The following GATA5 variants were observed in gnomAD, a reference collection of about 807,000 sequenced individuals.
The protein encoded by GATA5 is transcription factor GATA-5.
A neutral mutation model predicts 35.0 loss-of-function variants in GATA5; 27 were observed. The observed-to-expected ratio is 0.77, with a 90% confidence interval of 0.57 to 1.06. The LOEUF (loss-of-function observed/expected upper bound fraction) is 1.06, where lower values mean the gene tolerates loss of function less well. GATA5 is among the 50% of genes least tolerant of loss of function. GATA5 has a pLI of 0.00. For synonymous variants in GATA5, 306 were observed against 267.8 expected (o/e 1.14, Z -1.39); for missense variants, 612 against 580.0 (o/e 1.06, Z -0.57).
chr20:62,472,190 G>A lies in GATA5; in HGVS notation c.699+1213C>T, dbSNP rs139857220. Among the ~76,000 whole-genome samples the A allele has an allele frequency of 3.2e-3, 490 of 152,222 alleles. 6 individuals carry two copies. The highest frequency in any genetic ancestry group is 0.011 in the African/African-American group (463 of 41,534). On this transcript the variant is annotated intron_variant, in intron 3 of 6. Transcript: ENST00000252997. ...ATGGACTCCTAGGAGCCTTCCCTCC[G>A]AGAGGCAGGCATGGGAGGAGGCTGG...
rs1989523972 is a variant in GATA5, at chr20:62,464,441, CT to C, written c.*394del. 6.4e-6 allele frequency: 1 copy of C among 156,636 alleles called. No homozygotes were observed. The highest frequency in any genetic ancestry group is 1.4e-5 in the Non-Finnish European group (1 of 71,204). 9.7% of individuals were successfully genotyped at this position (156,636 alleles called of 1,614,324 possible). A position where few individuals can be genotyped will look rare whatever the true frequency, so the allele number is the denominator to read the frequency against. ...CTTCACTGGGAATCTTGGTTTTACA[CT>C]GGGAGGTTGACTGTTTTCCCCCAAC... is the stretch of plus-strand genomic sequence containing the variant. On this transcript the variant is annotated 3_prime_UTR_variant, in exon 7 of 7. Coordinates refer to ENST00000252997, the MANE Select transcript of GATA5 (RefSeq NM_080473.5).
chr20:62,474,861 C>CCCCGTCTCG, intron 2 of GATA5, 138 bp downstream of exon 2: 3 of 666,380 alleles, frequency 4.5e-6, no homozygotes, highest in Non-Finnish European at 6.4e-6. Context: ...ACTCGTCTCG[C>CCCCGTCTCG]CCCGGGGCTG....
rs781867987 is a variant in GATA5, at chr20:62,464,654, C to T, written c.*182G>A. 3.3e-4 allele frequency: 165 copies of T among 501,850 alleles called. 1 individual carries two copies. The highest frequency in any genetic ancestry group is 8.5e-5 in the Non-Finnish European group (25 of 294,152). 31.1% of individuals were successfully genotyped at this position (501,850 alleles called of 1,614,324 possible). A position where few individuals can be genotyped will look rare whatever the true frequency, so the allele number is the denominator to read the frequency against. On this transcript the variant is annotated 3_prime_UTR_variant, in exon 7 of 7. Transcript: ENST00000252997. ...CCCTTCCCTCACCAGCCTTCTTGCT[C>T]TGGGGCCCGACTGCCGTCTGTCCAG... is the stretch of plus-strand genomic sequence containing the variant.
chr20:62,473,417 G>A lies in GATA5; in HGVS notation c.685C>T (p.Pro229Ser), dbSNP rs1989768860. 2 of 1,607,138 alleles carry A rather than the reference G, an allele frequency of 1.2e-6. No homozygotes were observed. Among genetic ancestry groups the A allele is most frequent in the Non-Finnish European group, 1.7e-6 (2 of 1,177,640 alleles). Residue 229 changes from proline to serine, a missense_variant, in exon 3 of 7, where the codon CCT becomes TCT. By Grantham distance (74) the Pro-to-Ser change is moderately conservative. Transcript: ENST00000252997. ...MNGVNRPLVR[P>S]QKRLSSSRRA... ...CCCGAACTCACCAGGCGCTTCTGAG[G>A]CCGAACGAGCGGCCGGTTGACGCCA...
Position 62,475,248 on chromosome 20 carries a change from CGGT to C in GATA5, c.271_273del (p.Thr91del). On this transcript the variant is annotated inframe_deletion, in exon 2 of 7. Coordinates refer to ENST00000252997, the MANE Select transcript of GATA5 (RefSeq NM_080473.5). ...GAGGGGCTGTGCGCGAAAGGGAAGG[CGGT>C]GGCCCCGGGCGGGTGCGCGGCTGGG... is the stretch of plus-strand genomic sequence containing the variant. 1.6e-6 allele frequency: 2 copies of C among 1,246,394 alleles called. No homozygotes were observed. The highest frequency in any genetic ancestry group is 2.0e-6 in the Non-Finnish European group (2 of 995,256). The allele number at this position is 1,246,394 out of a possible 1,614,324, so 77.2% of individuals were successfully genotyped here. A position where few individuals can be genotyped will look rare whatever the true frequency, so the allele number is the denominator to read the frequency against.
chr20:62,464,364 G>C lies in GATA5; in HGVS notation c.*472C>G, dbSNP rs1989521680. On this transcript the variant is annotated 3_prime_UTR_variant, in exon 7 of 7. Coordinates refer to ENST00000252997, the MANE Select transcript of GATA5 (RefSeq NM_080473.5). Reference sequence around the variant, plus strand: ...GAAGGACAGCCCCGAGGCCTCAGGAGGCCCATGTCCAGCTGCTCCCCTCAT... The same window carrying C: ...GAAGGACAGCCCCGAGGCCTCAGGACGCCCATGTCCAGCTGCTCCCCTCAT... 6.5e-6 allele frequency: 1 copy of C among 152,866 alleles called. No homozygotes were observed. Among genetic ancestry groups the C allele is most frequent in the Non-Finnish European group, 1.5e-5 (1 of 68,492 alleles). The allele number at this position is 152,866 out of a possible 1,614,324, so 9.5% of individuals were successfully genotyped here.
At position 62,475,068 on chromosome 20, in the gene GATA5, G is replaced by C. The variant is rs1288484644; in HGVS notation, c.454C>G (p.Gln152Glu). 1 of 1,413,254 alleles carries C rather than the reference G, an allele frequency of 7.1e-7. No homozygotes were observed. The highest frequency in any genetic ancestry group is 1.5e-5 in the African/African-American group (1 of 66,524). The allele number at this position is 1,413,254 out of a possible 1,614,324, so 87.5% of individuals were successfully genotyped here. Residue 152 changes from glutamine to glutamate, a missense_variant, in exon 2 of 7, where the codon CAG becomes GAG. Coordinates refer to ENST00000252997, the MANE Select transcript of GATA5 (RefSeq NM_080473.5). ...YPAYVSPDVA[Q>E]SWTAGPFDGS... ...TCGAAGGGCCCGGCAGTCCAGGACTGGGCCACGTCGGGGCTCACGTAGGCC... is the reference window on the plus strand; with the variant it reads ...TCGAAGGGCCCGGCAGTCCAGGACTCGGCCACGTCGGGGCTCACGTAGGCC...
chr20:62,466,539 G>C lies in GATA5; in HGVS notation c.712C>G (p.Arg238Gly), dbSNP rs1085307586. ...CAGTTGGTGCAGCAGAGGCCGGCGC[G>C]GCGGGACGAGGACTGTGGGGGCGAG... ...RPQKRLSSSR[R>G]AGLCCTNCHT... is the part of the protein sequence containing the mutation. Residue 238 changes from arginine (R) to glycine (G), a missense_variant, in exon 4 of 7, where the codon CGC (arginine) becomes GGC (glycine). Arg to Gly is a moderately radical substitution (Grantham distance 125). Transcript: ENST00000252997. The C allele has an allele frequency of 1.9e-6, 3 of 1,552,364 alleles. No homozygotes were observed. In the South Asian group the frequency reaches 3.6e-5, roughly 18 times the overall value.
At chr20:62,473,376 G>A in intron 3 of GATA5, 27 bp downstream of exon 3, 2 of 1,585,686 alleles carry the variant, frequency 1.3e-6, no homozygotes, top group Non-Finnish European at 1.7e-6. Flanking sequence ...CTGCGCCCAG[G>A]CGCCCCTCTG....
intron 3 of GATA5, 95 bp from the exon 4 acceptor site, chr20:62,466,646 G>T: frequency 1.4e-6 from 2 of 1,399,828 alleles, no homozygotes; most frequent in Non-Finnish European, 1.9e-6. Context: ...TTGCGGCCAC[G>T]CAGGACCCGG....
At chr20:62,466,297 G>A (rs1285880811) in intron 4 of GATA5, 129 bp downstream of exon 4, 2 of 1,121,818 alleles carry the variant, frequency 1.8e-6, no homozygotes, top group African/African-American at 3.1e-5. Context: ...GGACATGTGT[G>A]TACAACAGCC....
Position 62,465,894 on chromosome 20 carries a change from C to T in GATA5, c.853G>A (p.Glu285Lys). The T allele has an allele frequency of 1.3e-6, 2 of 1,598,906 alleles. No individual in the cohort carries two copies. The highest frequency in any genetic ancestry group is 1.7e-6 in the Non-Finnish European group (2 of 1,172,770). ...GVPRPLAMKK[E>K]SIQTRKRKPK... is the part of the protein sequence containing the mutation. ...TTCCGCTTCCGTGTCTGGATGCTTT[C>T]CTTCTTCATAGCCAGAGGCCGCGGC... The change falls in exon 5 of 7, where the codon GAA (glutamate) becomes AAA (lysine). Residue 285 changes from glutamate (E) to lysine (K), a missense_variant. By Grantham distance (56) the Glu-to-Lys change is moderately conservative. Coordinates refer to ENST00000252997, the MANE Select transcript of GATA5 (RefSeq NM_080473.5).
Position 62,464,814 on chromosome 20 carries a change from T to C in GATA5, c.*22A>G, listed in dbSNP as rs199614743. ...GGTGGTCTGTTCCAGGCTGTTCCCC[T>C]GACATGGGCTGGCCTGGGGACCTAG... On this transcript the variant is annotated 3_prime_UTR_variant, in exon 7 of 7. Coordinates refer to ENST00000252997, the MANE Select transcript of GATA5 (RefSeq NM_080473.5). The C allele has an allele frequency of 1.3e-6, 2 of 1,564,408 alleles. No homozygotes were observed. The highest frequency in any genetic ancestry group is 1.7e-6 in the Non-Finnish European group (2 of 1,153,942).
chr20:62,469,522 G>A (rs1356654023), intron 3 of GATA5, among the ~76,000 whole-genome samples: 2 of 152,168 alleles, frequency 1.3e-5, no homozygotes, highest in South Asian at 2.1e-4. Context: ...CTGCCAGCAC[G>A]CCCCGACGGA....
At chr20:62,465,318 C>T (rs1555895930) in intron 6 of GATA5, 22 bp downstream of exon 6, 1 of 1,577,422 alleles carries the variant, frequency 6.3e-7, no homozygotes, top group Non-Finnish European at 8.5e-7. Flanking sequence ...TCTGGGCACC[C>T]CACCCCAGCC....
At position 62,475,082 on chromosome 20, in the gene GATA5, C is replaced by A; in HGVS notation, c.440G>T (p.Ser147Ile). 7.1e-7 allele frequency: 1 copy of A among 1,408,088 alleles called. No individual in the cohort carries two copies. 87.2% of individuals were successfully genotyped at this position (1,408,088 alleles called of 1,614,324 possible). A position where few individuals can be genotyped will look rare whatever the true frequency, so the allele number is the denominator to read the frequency against. ...AGTCCAGGACTGGGCCACGTCGGGG[C>A]TCACGTAGGCCGGGTAGGTGGCGGA... ...SYSATYPAYV[S>I]PDVAQSWTAG... Residue 147 changes from serine (S) to isoleucine (I), a missense_variant, in exon 2 of 7, where the codon AGC becomes ATC. Coordinates refer to ENST00000252997, the MANE Select transcript of GATA5 (RefSeq NM_080473.5).
At position 62,465,460 on chromosome 20, in the gene GATA5, G is replaced by T; in HGVS notation, c.918C>A (p.Ser306=). 6.2e-7 allele frequency: 1 copy of T among 1,607,256 alleles called. No individual in the cohort carries two copies. The highest frequency in any genetic ancestry group is 1.1e-5 in the South Asian group (1 of 90,902). The change falls in exon 6 of 7, where the codon TCC becomes TCA. Residue 306 remains serine (S), a synonymous_variant. Coordinates refer to ENST00000252997, the MANE Select transcript of GATA5 (RefSeq NM_080473.5). ...TIAKARGSSG[S]TRNASASPSA... is the part of the protein sequence containing the mutation. ...ATGGGGAGGCCGAGGCATTCCTTGT[G>T]GATCCTGGAAGCGAAGAGGGGGTGT...
intron 6 of GATA5, 139 bp from the exon 7 acceptor site, chr20:62,465,130 G>A: frequency 2.2e-6 from 2 of 900,670 alleles, no homozygotes; most frequent in African/African-American, 1.7e-5. Flanking sequence ...GGAATGGCAT[G>A]GGGGACCCCA....
intron 1 of GATA5, 90 bp from the exon 2 acceptor site, chr20:62,475,632 C>T (rs1989843406): frequency 2.3e-6 from 2 of 883,182 alleles, no homozygotes; most frequent in Non-Finnish European, 3.0e-6. Flanking sequence ...GCCGCCGCTT[C>T]GGGCAGCGCT....
Sources: gnomAD v4.1 joint callset for allele counts (sites outside exome capture counted in the v4.1 genomes callset) on GRCh38, gnomAD v4.1.1 for gene constraint, MANE v1.5 for transcripts, NCBI Gene and HGNC (gene_info 2026-07-23, HGNC 2026-07-21) for gene names.